The following OR9Q1 variants were observed in gnomAD, a reference collection of about 807,000 sequenced individuals.
OR9Q1 encodes olfactory receptor 9Q1.
For missense variants in OR9Q1, 374 were observed against 378.8 expected (o/e 0.99, Z 0.11); for synonymous variants, 153 against 148.6 (o/e 1.03, Z -0.22).
chr11:58,031,820 A>G (rs1478119781), intron 1 of OR9Q1: 1 of 1,613,990 alleles, frequency 6.2e-7, no homozygotes, highest in Non-Finnish European at 8.5e-7. Flanking sequence ...GCCCATGCTC[A>G]ATCCTCTCAT....
rs1854214052 is a variant in OR9Q1 at position 58,138,868 on chromosome 11, T to C, written c.-14-40563T>C. ...CTGTACCATAGATTTCAAGAACTTA[T>C]TCCTCCTAAGTGAAAGTTTGTACCC... On this transcript the variant is annotated intron_variant, in intron 2 of 2. Coordinates refer to ENST00000335397, the MANE Select transcript of OR9Q1 (RefSeq NM_001005212.4). Among the ~76,000 whole-genome samples, 3 of 152,330 alleles carry C rather than the reference T, an allele frequency of 2.0e-5. No homozygotes were observed. In the South Asian group the frequency reaches 6.2e-4, roughly 32 times the overall value.
intron 2 of OR9Q1, among the ~76,000 whole-genome samples, chr11:58,090,752 G>A (rs999965979): frequency 6.6e-6 from 1 of 152,076 alleles, no homozygotes; most frequent in Non-Finnish European, 1.5e-5. Flanking sequence ...GTAGAATTTG[G>A]TTGTGAATCC....
intron 2 of OR9Q1, chr11:58,109,582 A>C: frequency 2.2e-6 from 1 of 457,418 alleles, no homozygotes; most frequent in South Asian, 1.5e-5. Context: ...CACTAGGAAG[A>C]GTGGAACTGC....
chr11:58,118,876 C>A (rs759624892), intron 2 of OR9Q1: 2 of 1,614,020 alleles, frequency 1.2e-6, no homozygotes, highest in Non-Finnish European at 1.7e-6. Context: ...TGCTGTGTCA[C>A]TGCAGGCAAG....
intron 2 of OR9Q1, among the ~76,000 whole-genome samples, chr11:58,132,731 G>A (rs892204610): frequency 2.6e-5 from 4 of 152,270 alleles, no homozygotes; most frequent in African/African-American, 9.6e-5. Context: ...TTATGGAGGA[G>A]GCCGCCAGAC....
intron 2 of OR9Q1, among the ~76,000 whole-genome samples, chr11:58,136,896 A>G (rs1854194327): frequency 6.6e-6 from 1 of 152,186 alleles, no homozygotes; most frequent in African/African-American, 2.4e-5. Flanking sequence ...AGCTGGCTGT[A>G]GTAGCACAGA....
chr11:58,120,803 C>CATATATATATATATAT (rs61634454), intron 2 of OR9Q1, among the ~76,000 whole-genome samples: 1,437 of 132,422 alleles, frequency 0.011, 15 homozygotes, highest in Non-Finnish European at 0.014. Flanking sequence ...ATTTCAATAC[C>CATATATATATATATAT]ATATATATAT....
chr11:58,149,316 CTG>C (rs747685786), intron 2 of OR9Q1, among the ~76,000 whole-genome samples: 1 of 152,130 alleles, frequency 6.6e-6, no homozygotes, highest in Non-Finnish European at 1.5e-5. Context: ...GCTGGGAACT[CTG>C]TGTGGGTAGG....
Position 58,180,501 on chromosome 11 carries a change from A to G in OR9Q1, c.*124A>G. The G allele has an allele frequency of 1.8e-6, 1 of 554,350 alleles. No individual in the cohort carries two copies. Among genetic ancestry groups the G allele is most frequent in the Non-Finnish European group, 3.0e-6 (1 of 329,320 alleles). 34.3% of individuals were successfully genotyped at this position (554,350 alleles called of 1,614,324 possible). ...TATTATGGTACTAGGTATAAAAAAGAACCAGAACTTTTAGCTCCAGGGAGA... is the reference window on the plus strand; with the variant it reads ...TATTATGGTACTAGGTATAAAAAAGGACCAGAACTTTTAGCTCCAGGGAGA... On this transcript the variant is annotated 3_prime_UTR_variant, in exon 3 of 3. Coordinates refer to ENST00000335397, the MANE Select transcript of OR9Q1 (RefSeq NM_001005212.4).
chr11:58,093,404 C>G (rs868299872), intron 2 of OR9Q1, among the ~76,000 whole-genome samples: 2 of 152,064 alleles, frequency 1.3e-5, no homozygotes, highest in Non-Finnish European at 2.9e-5. Context: ...AAATGACCAA[C>G]AAGCATGTGA....
chr11:58,040,137 T>C (rs990847803), intron 1 of OR9Q1, among the ~76,000 whole-genome samples: 12 of 152,202 alleles, frequency 7.9e-5, no homozygotes, highest in Non-Finnish European at 1.6e-4. Context: ...GTTCATTGAC[T>C]CTTAACCTCT....
chr11:58,040,192 G>C (rs1364891758), intron 1 of OR9Q1, among the ~76,000 whole-genome samples: 1 of 152,194 alleles, frequency 6.6e-6, no homozygotes, highest in Non-Finnish European at 1.5e-5. Flanking sequence ...CCTGGCATCA[G>C]TTCCCTTATC....
chr11:58,118,844 A>T (rs766562910), intron 2 of OR9Q1: 2 of 1,614,058 alleles, frequency 1.2e-6, no homozygotes, highest in Non-Finnish European at 1.7e-6. Context: ...TTGCCAAAGA[A>T]GATGATGACA....
chr11:58,156,414 G>A (rs1173386094), intron 2 of OR9Q1, among the ~76,000 whole-genome samples: 1 of 152,088 alleles, frequency 6.6e-6, no homozygotes. Flanking sequence ...ATTAAAACAG[G>A]GTAGAACATA....
At chr11:58,086,415 A>ATC (rs1214543128) in intron 2 of OR9Q1, among the ~76,000 whole-genome samples, 14 of 151,938 alleles carry the variant, frequency 9.2e-5, no homozygotes, top group African/African-American at 2.9e-4. Context: ...TGGTAACGTA[A>ATC]ATGAATACAG....
intron 2 of OR9Q1, among the ~76,000 whole-genome samples, chr11:58,152,578 G>A (rs1218892236): frequency 6.6e-6 from 1 of 152,040 alleles, no homozygotes; most frequent in Non-Finnish European, 1.5e-5. Context: ...TTTGTTGATT[G>A]ATTTGTAACA....
At chr11:58,048,145 A>T (rs541154470) in intron 1 of OR9Q1, among the ~76,000 whole-genome samples, 2 of 152,302 alleles carry the variant, frequency 1.3e-5, no homozygotes, top group East Asian at 3.9e-4. Flanking sequence ...GTTTTTTACA[A>T]TCCATCCATA....
In OR9Q1 at chr11:58,137,407, C is replaced by G. The variant is rs561011966; in HGVS notation, c.-14-42024C>G. ...GACCCCTGAGCATCTCTTCTACCCT[C>G]CCATCCCTGCAGATAAGACATGAAG... On this transcript the variant is annotated intron_variant, in intron 2 of 2. Coordinates refer to ENST00000335397, the MANE Select transcript of OR9Q1 (RefSeq NM_001005212.4). 9.9e-5 allele frequency among the ~76,000 whole-genome samples: 15 copies of G among 152,268 alleles called. No individual in the cohort carries two copies. In the East Asian group the frequency reaches 1.9e-3, roughly 20 times the overall value.
chr11:58,102,353 T>G (rs1406352974), intron 2 of OR9Q1, among the ~76,000 whole-genome samples: 2 of 152,152 alleles, frequency 1.3e-5, no homozygotes, highest in Admixed American at 6.6e-5. Flanking sequence ...CTCCTTCTGC[T>G]CTTTCTGTGA....
Sources: gnomAD v4.1 joint callset for allele counts (sites outside exome capture counted in the v4.1 genomes callset) on GRCh38, gnomAD v4.1.1 for gene constraint, MANE v1.5 for transcripts, NCBI Gene and HGNC (gene_info 2026-07-23, HGNC 2026-07-21) for gene names.